The following SPON1 variants were observed in gnomAD, a reference collection of about 807,000 sequenced individuals.
SPON1 encodes spondin-1.
SPON1 carries 52 observed loss-of-function variants against 111.7 expected under a neutral mutation model. That is an observed-to-expected ratio of 0.47 (90% confidence interval 0.37 to 0.59). SPON1 has a LOEUF of 0.59. SPON1 is among the 20% of genes least tolerant of loss of function. The pLI is 0.00. For synonymous variants in SPON1, 410 were observed against 395.8 expected (o/e 1.04, Z -0.43); for missense variants, 957 against 1,068.5 (o/e 0.90, Z 1.46).
intron 1 of SPON1, among the ~76,000 whole-genome samples, chr11:13,974,437 A>T (rs1554908892): frequency 6.6e-6 from 1 of 152,222 alleles, no homozygotes; most frequent in Non-Finnish European, 1.5e-5. Flanking sequence ...ACTGGACAAG[A>T]TCCAGTGAGG....
At chr11:14,253,104 G>T (rs536385977) in intron 7 of SPON1, among the ~76,000 whole-genome samples, 1 of 152,314 alleles carries the variant, frequency 6.6e-6, no homozygotes, top group African/African-American at 2.4e-5. Context: ...AAGGGAGGGG[G>T]TGCATGGGAG....
At position 14,189,056 on chromosome 11, in the gene SPON1, C is replaced by G. The variant is rs558748339; in HGVS notation, c.825+53488C>G. 1.3e-4 allele frequency among the ~76,000 whole-genome samples: 20 copies of G among 152,204 alleles called. No individual in the cohort carries two copies. In the South Asian group the frequency reaches 3.9e-3, roughly 30 times the overall value. ...CATAAAAATGTTCATATCTTTTGAC[C>G]CAGTTGTTCCACTTCTCAGAATCTA... is the stretch of plus-strand genomic sequence containing the variant. On this transcript the variant is annotated intron_variant, in intron 6 of 15. Transcript: ENST00000576479.
At chr11:14,256,260 G>GAAAA (rs1302974621) in intron 9 of SPON1, among the ~76,000 whole-genome samples, 4 of 150,880 alleles carry the variant, frequency 2.7e-5, no homozygotes, top group South Asian at 2.1e-4. Flanking sequence ...AAAGAAAAAA[G>GAAAA]AAAAAAAAAG....
chr11:13,964,591 A>G (rs1225523899), intron 1 of SPON1, among the ~76,000 whole-genome samples: 1 of 152,114 alleles, frequency 6.6e-6, no homozygotes, highest in Non-Finnish European at 1.5e-5. Context: ...CGTGCTGAGC[A>G]CTTTGCGAGG....
intron 2 of SPON1, among the ~76,000 whole-genome samples, chr11:13,983,592 G>A (rs76242442): frequency 0.044 from 6,649 of 152,224 alleles, 209 homozygotes; most frequent in Non-Finnish European, 0.064. Context: ...CAAGGACCCC[G>A]ACAGTGAGTC....
At chr11:14,221,760 C>T (rs1848683784) in intron 6 of SPON1, among the ~76,000 whole-genome samples, 1 of 152,174 alleles carries the variant, frequency 6.6e-6, no homozygotes, top group African/African-American at 2.4e-5. Context: ...TTTGTTCTTC[C>T]ACACCCCACA....
chr11:14,263,712 C>T (rs1347522481), intron 15 of SPON1, among the ~76,000 whole-genome samples: 2 of 152,132 alleles, frequency 1.3e-5, no homozygotes, highest in Non-Finnish European at 2.9e-5. Flanking sequence ...CTTGAAAAAT[C>T]TAGAGGAGTT....
At chr11:14,118,868 A>G (rs1229316002) in intron 5 of SPON1, among the ~76,000 whole-genome samples, 5 of 152,222 alleles carry the variant, frequency 3.3e-5, no homozygotes, top group African/African-American at 9.6e-5. Context: ...TTCTCTCACC[A>G]TAACATGGGG....
At chr11:14,086,173 C>G (rs1255018574) in intron 5 of SPON1, among the ~76,000 whole-genome samples, 7 of 152,052 alleles carry the variant, frequency 4.6e-5, no homozygotes, top group Non-Finnish European at 1.0e-4. Flanking sequence ...TCAGAACTTC[C>G]AATAGTATGT....
intron 6 of SPON1, among the ~76,000 whole-genome samples, chr11:14,213,163 C>G (rs1426423941): frequency 6.6e-6 from 1 of 152,102 alleles, no homozygotes; most frequent in African/African-American, 2.4e-5. Flanking sequence ...AATGGGACAA[C>G]AAAATGAGCT....
In SPON1 at chr11:14,132,072, T is replaced by A. The variant is rs562448284; in HGVS notation, c.677-3348T>A. Among the ~76,000 whole-genome samples the A allele has an allele frequency of 1.3e-4, 20 of 151,970 alleles. No individual in the cohort carries two copies. The East Asian group carries it at 1.4e-3, about 10-fold the overall frequency. ...GGCGGGCAAATCACAAGGTCAGGAG[T>A]TTGAGACCAGCCTGGCCAACATGGT... On this transcript the variant is annotated intron_variant, in intron 5 of 15. Transcript: ENST00000576479.
At chr11:14,237,198 G>A (rs897507198) in intron 6 of SPON1, among the ~76,000 whole-genome samples, 1 of 152,348 alleles carries the variant, frequency 6.6e-6, no homozygotes, top group East Asian at 1.9e-4. Flanking sequence ...TTCAGAGGTA[G>A]AAGCTGTCAG....
intron 6 of SPON1, among the ~76,000 whole-genome samples, chr11:14,184,306 T>C (rs1554933908): frequency 6.6e-6 from 1 of 152,198 alleles, no homozygotes; most frequent in East Asian, 1.9e-4. Flanking sequence ...TTTGGCTCCC[T>C]GCAATGCTAT....
At chr11:14,192,959 C>G (rs1038141480) in intron 6 of SPON1, among the ~76,000 whole-genome samples, 5 of 152,112 alleles carry the variant, frequency 3.3e-5, no homozygotes, top group African/African-American at 1.2e-4. Flanking sequence ...ACTGGTGTTT[C>G]CCACCAACTT....
intron 6 of SPON1, among the ~76,000 whole-genome samples, chr11:14,236,112 A>T (rs1404356474): frequency 6.6e-6 from 1 of 152,154 alleles, no homozygotes; most frequent in African/African-American, 2.4e-5. Flanking sequence ...GGCCAGAGGA[A>T]TGGCATGATA....
chr11:13,993,706 C>T (rs1166084685), intron 2 of SPON1, among the ~76,000 whole-genome samples: 2 of 152,156 alleles, frequency 1.3e-5, no homozygotes, highest in African/African-American at 4.8e-5. Context: ...TGTCACCTTC[C>T]ACTGAACTAT....
intron 6 of SPON1, among the ~76,000 whole-genome samples, chr11:14,227,531 G>A (rs1195777390): frequency 1.3e-5 from 2 of 152,170 alleles, no homozygotes; most frequent in African/African-American, 4.8e-5. Context: ...TGTCAGGGAT[G>A]GATGCAGACC....
intron 5 of SPON1, among the ~76,000 whole-genome samples, chr11:14,123,773 T>C (rs1847424062): frequency 6.6e-6 from 1 of 152,212 alleles, no homozygotes; most frequent in Non-Finnish European, 1.5e-5. Context: ...TCAGACAGTT[T>C]ACCATGGTCA....
intron 2 of SPON1, among the ~76,000 whole-genome samples, chr11:13,984,053 G>A (rs1848164020): frequency 6.6e-6 from 1 of 152,122 alleles, no homozygotes; most frequent in African/African-American, 2.4e-5. Flanking sequence ...GTCCTTCTAT[G>A]GCAAAGAACC....
Sources: allele counts gnomAD v4.1 joint callset (sites outside exome capture counted in the v4.1 genomes callset), GRCh38; gene constraint gnomAD v4.1.1; transcripts MANE v1.5; gene names NCBI Gene and HGNC (gene_info 2026-07-23, HGNC 2026-07-21).